KHDRBS1: variants seen among roughly 807,000 people sequenced by gnomAD.
KHDRBS1 encodes KH RNA binding domain containing, signal transduction associated 1.
In KHDRBS1, 7 loss-of-function variants were observed where a neutral mutation model predicts 48.4. The observed-to-expected ratio is 0.14, with a 90% CI of 0.08 to 0.27. The LOEUF is 0.27. Among genes scored for constraint, KHDRBS1 ranks in the 10% least tolerant of loss-of-function variants. KHDRBS1 has a pLI of 1.00. For synonymous variants in KHDRBS1, 241 were observed against 235.8 expected (o/e 1.02, Z -0.20); for missense variants, 458 against 601.2 (o/e 0.76, Z 2.49).
chr1:32,058,484 C>T (rs937883929), intron 10 of KHDRBS1, among the ~76,000 whole-genome samples: 1 of 152,144 alleles, frequency 6.6e-6, no homozygotes, highest in Middle Eastern at 3.2e-3. Flanking sequence ...AGGAGAGTCC[C>T]TTAACACATG....
Position 32,014,307 on chromosome 1 carries a change from G to A in KHDRBS1, c.312G>A (p.Leu104=), listed in dbSNP as rs747681097. 4 of 1,559,278 alleles carry A rather than the reference G, an allele frequency of 2.6e-6. No homozygotes were observed. In the South Asian group the frequency reaches 3.6e-5, roughly 14 times the overall value. Residue 104 remains leucine, a synonymous_variant, in exon 1 of 9, where the codon CTG becomes CTA. Coordinates refer to ENST00000327300, the MANE Select transcript of KHDRBS1 (RefSeq NM_006559.3). ...AGATGGAGCCAGAGAACAAGTACCT[G>A]CCCGAACTCATGGCCGAGAAGGACT... ...SVKMEPENKY[L]PELMAEKDSL...
At chr1:32,035,090 G>C (rs1463638171) in intron 4 of KHDRBS1, among the ~76,000 whole-genome samples, 1 of 152,024 alleles carries the variant, frequency 6.6e-6, no homozygotes, top group African/African-American at 2.4e-5. Flanking sequence ...TCTTTTTGGG[G>C]TGTTCTATTG....
At chr1:32,038,471 T>C in intron 6 of KHDRBS1, 81 bp from the exon 7 acceptor site, 1 of 1,345,900 alleles carries the variant, frequency 7.4e-7, no homozygotes, top group Non-Finnish European at 1.0e-6. Context: ...GAAGCCTACT[T>C]ACTCCCATGG....
At position 32,036,163 on chromosome 1, in the gene KHDRBS1, A is replaced by ATTTT. The variant is rs397742842; in HGVS notation, c.772-724_772-721dup. On this transcript the variant is annotated intron_variant, in intron 4 of 8. Transcript: ENST00000327300. ...TACTTATTTCAGGGTCATTTTGAAG[A>ATTTT]TTTTTTTTTTTTTTTTTTTTTTTTT... Among the ~76,000 whole-genome samples, 243 of 60,470 alleles carry ATTTT rather than the reference A, an allele frequency of 4.0e-3. 16 individuals are homozygous for ATTTT. Among genetic ancestry groups the ATTTT allele is most frequent in the African/African-American group, 0.017 (230 of 13,652 alleles). The allele number at this position is 60,470 out of a possible 152,430, so 39.7% of individuals were successfully genotyped here.
intron 2 of KHDRBS1, 107 bp from the exon 3 acceptor site, chr1:32,031,417 G>T: frequency 2.9e-6 from 2 of 683,938 alleles, no homozygotes; most frequent in Admixed American, 2.6e-5. Context: ...AATGGGAATG[G>T]TAATACTCTA....
intron 5 of KHDRBS1, 98 bp downstream of exon 5, chr1:32,037,141 A>C: frequency 1.2e-5 from 16 of 1,338,346 alleles, no homozygotes; most frequent in Non-Finnish European, 1.6e-5. Flanking sequence ...GAAGGGTCTC[A>C]GGATTTGTAT....
chr1:32,051,094 T>G (rs1639413606), intron 10 of KHDRBS1, among the ~76,000 whole-genome samples: 1 of 151,886 alleles, frequency 6.6e-6, no homozygotes. Flanking sequence ...GACGGGGTTT[T>G]GCCATGTTGG....
At chr1:32,028,430 T>C (rs546686922) in intron 1 of KHDRBS1, among the ~76,000 whole-genome samples, 1 of 151,182 alleles carries the variant, frequency 6.6e-6, no homozygotes, top group South Asian at 2.1e-4. Flanking sequence ...GACTATTCTC[T>C]GATATTTAGA....
chr1:32,035,526 G>A (rs187217632), intron 4 of KHDRBS1, among the ~76,000 whole-genome samples: 1 of 152,310 alleles, frequency 6.6e-6, no homozygotes, highest in African/African-American at 2.4e-5. Context: ...CTCTTGTGGA[G>A]GAAAGAAAAG....
At chr1:32,041,438 A>T (rs1304926974) in intron 8 of KHDRBS1, among the ~76,000 whole-genome samples, 1 of 152,216 alleles carries the variant, frequency 6.6e-6, no homozygotes, top group African/African-American at 2.4e-5. Flanking sequence ...ATTTATTTTC[A>T]TAAGAGGTCA....
chr1:32,017,452 C>T (rs765032710), intron 1 of KHDRBS1, among the ~76,000 whole-genome samples: 1 of 151,474 alleles, frequency 6.6e-6, no homozygotes, highest in African/African-American at 2.4e-5. Flanking sequence ...AAGTAAAATG[C>T]TGTTGTATAT....
At chr1:32,038,065 C>G (rs1280321559) in intron 6 of KHDRBS1, 29 bp downstream of exon 6, 1 of 1,612,262 alleles carries the variant, frequency 6.2e-7, no homozygotes, top group East Asian at 2.2e-5. Flanking sequence ...GTGCCATTTC[C>G]CAGTACCTAG....
rs1337794356 is a variant in KHDRBS1, at chr1:32,036,986, G to A, written c.848G>A (p.Gly283Glu). Residue 283 changes from glycine (G) to glutamate (E), a missense_variant, in exon 5 of 9, where the codon GGA becomes GAA. Gly to Glu is a moderately conservative substitution (Grantham distance 98). This residue lies in a region of KHDRBS1 where 171 missense variants were observed against 228.7 expected (regional missense o/e 0.75). Coordinates refer to ENST00000327300, the MANE Select transcript of KHDRBS1 (RefSeq NM_006559.3). ...YLNGVPEPSR[G>E]RGVPVRGRGA... is the part of the protein sequence containing the mutation. ...AATGGAGTACCTGAACCCTCTCGTG[G>A]ACGTGGGGTGCCAGTGAGAGGCCGG... 1.9e-6 allele frequency: 3 copies of A among 1,613,992 alleles called. No individual in the cohort carries two copies. The African/African-American group carries it at 4.0e-5, about 22-fold the overall frequency.
At chr1:32,033,063 T>C (rs994171306) in intron 3 of KHDRBS1, 125 bp from the exon 4 acceptor site, 5 of 683,110 alleles carry the variant, frequency 7.3e-6, no homozygotes, top group Non-Finnish European at 1.0e-5. Flanking sequence ...TCTCAGCTCA[T>C]ACCAATTAAC....
In KHDRBS1 at chr1:32,014,228, T is replaced by C. The variant is rs528464512; in HGVS notation, c.233T>C (p.Val78Ala). ...TCGGCCACGGGTCCCGACGCGACAG[T>C]GGGCGGGCCAGCGCCGACCCCGCTG... ...PPSATGPDAT[V>A]GGPAPTPLLP... is the part of the protein sequence containing the mutation. The change falls in exon 1 of 9, where the codon GTG (valine) becomes GCG (alanine). Residue 78 changes from valine to alanine, a missense_variant. Coordinates refer to ENST00000327300, the MANE Select transcript of KHDRBS1 (RefSeq NM_006559.3). 3.4e-6 allele frequency: 5 copies of C among 1,480,900 alleles called. No homozygotes were observed. The African/African-American group carries it at 7.2e-5, about 21-fold the overall frequency. The allele number at this position is 1,480,900 out of a possible 1,614,324, so 91.7% of individuals were successfully genotyped here.
chr1:32,057,485 C>CTTTTT (rs931055192), intron 10 of KHDRBS1, among the ~76,000 whole-genome samples: 2 of 132,516 alleles, frequency 1.5e-5, no homozygotes, highest in Admixed American at 7.6e-5. Flanking sequence ...TTCTTCTTTT[C>CTTTTT]TTTTTTTTTT....
intron 1 of KHDRBS1, among the ~76,000 whole-genome samples, chr1:32,017,979 A>G (rs1416464313): frequency 6.6e-6 from 1 of 152,180 alleles, no homozygotes; most frequent in South Asian, 2.1e-4. Context: ...TTTTGAATAG[A>G]TTAGCAATCT....
chr1:32,052,946 C>T (rs561413371), intron 10 of KHDRBS1, among the ~76,000 whole-genome samples: 2 of 152,014 alleles, frequency 1.3e-5, no homozygotes, highest in Admixed American at 6.6e-5. Context: ...TCCAGGAGTT[C>T]GGGACTAGCC....
chr1:32,034,562 A>G lies in KHDRBS1; in HGVS notation c.771+1228A>G, dbSNP rs185341045. Among the ~76,000 whole-genome samples the G allele has an allele frequency of 5.5e-3, 837 of 152,064 alleles. 8 individuals are homozygous for G. The highest frequency in any genetic ancestry group is 0.027 in the South Asian group (128 of 4,810). ...GCAACAAGAGTGAAACTCCATCTCC[A>G]AAAAAAATAAATAAATAAGTTTTTA... On this transcript the variant is annotated intron_variant, in intron 4 of 8. Coordinates refer to ENST00000327300, the MANE Select transcript of KHDRBS1 (RefSeq NM_006559.3).
Sources: gnomAD v4.1 joint callset for allele counts (sites outside exome capture counted in the v4.1 genomes callset) on GRCh38, gnomAD v4.1.1 for gene constraint, gnomAD v4.1.1 regional missense constraint, MANE v1.5 for transcripts, NCBI Gene and HGNC (gene_info 2026-07-23, HGNC 2026-07-21) for gene names.